The following LIN7A variants were observed in gnomAD, a reference collection of about 807,000 sequenced individuals.
The protein encoded by LIN7A is lin-7 cell polarity scaffold A, also known as protein lin-7 homolog A.
LIN7A carries 25 observed loss-of-function variants against 29.8 expected under a neutral mutation model. The ratio of observed to expected loss-of-function variants is 0.84; its 90% CI spans 0.61 to 1.17. LIN7A has a LOEUF of 1.17. LIN7A is among the 50% of genes most tolerant of loss of function. The pLI is 0.00. For synonymous variants in LIN7A, 118 were observed against 107.5 expected, an observed-to-expected ratio of 1.10 and a Z score of -0.60; for missense variants, 239 against 287.0, an observed-to-expected ratio of 0.83 and a Z score of 1.21.
intron 5 of LIN7A, among the ~76,000 whole-genome samples, chr12:80,804,126 A>C (rs1870857278): frequency 6.6e-6 from 1 of 152,130 alleles, no homozygotes; most frequent in African/African-American, 2.4e-5. Flanking sequence ...TATGGGGTCC[A>C]TGAGATGTTT....
At chr12:80,876,074 C>CAG (rs1484081942) in intron 2 of LIN7A, among the ~76,000 whole-genome samples, 3 of 85,170 alleles carry the variant, frequency 3.5e-5, no homozygotes, top group South Asian at 3.7e-4. Context: ...CACACACACA[C>CAG]ACACACAGAG....
chr12:80,832,098 G>A (rs1452374927), intron 4 of LIN7A, among the ~76,000 whole-genome samples: 2 of 152,160 alleles, frequency 1.3e-5, no homozygotes, highest in African/African-American at 2.4e-5. Flanking sequence ...GAAGAGTGGT[G>A]AGGCTTTGGC....
intron 5 of LIN7A, among the ~76,000 whole-genome samples, chr12:80,803,295 T>C (rs1241254208): frequency 1.3e-5 from 2 of 152,198 alleles, no homozygotes; most frequent in African/African-American, 4.8e-5. Context: ...TCATTTTAAG[T>C]TGGTTTTGTT....
chr12:80,821,244 G>A (rs1033138227), intron 4 of LIN7A, among the ~76,000 whole-genome samples: 17 of 152,108 alleles, frequency 1.1e-4, no homozygotes, highest in African/African-American at 3.4e-4. Flanking sequence ...TTAACAGTGT[G>A]ACCTCTCCCC....
In LIN7A at chr12:80,845,942, GAAA is replaced by G. The variant is rs79919291; in HGVS notation, c.274-6_274-4del. 1.1e-3 allele frequency: 1,487 copies of G among 1,368,622 alleles called. No homozygotes were observed. Among genetic ancestry groups the G allele is most frequent in the South Asian group, 3.3e-3 (233 of 70,212 alleles). The allele number at this position is 1,368,622 out of a possible 1,614,324, so 84.8% of individuals were successfully genotyped here. ...GCTGCAAAAGCTGCAACTGTTGCCT[GAAA>G]AAAAAAAAAAAAGATGGTCTTTTGG... On this transcript the variant is annotated splice_region_variant and splice_polypyrimidine_tract_variant and intron_variant, in intron 3 of 5. Coordinates refer to ENST00000552864, the MANE Select transcript of LIN7A (RefSeq NM_004664.4).
intron 1 of LIN7A, among the ~76,000 whole-genome samples, chr12:80,923,129 A>G (rs1417766490): frequency 1.3e-5 from 2 of 152,218 alleles, no homozygotes; most frequent in Non-Finnish European, 2.9e-5. Context: ...AAAAGGCAGA[A>G]GAAAGGCGAA....
chr12:80,871,368 C>T (rs1874418937), intron 2 of LIN7A, among the ~76,000 whole-genome samples: 1 of 152,038 alleles, frequency 6.6e-6, no homozygotes, highest in East Asian at 1.9e-4. Flanking sequence ...TATTGAATTG[C>T]AGTGTCTGAA....
chr12:80,883,848 G>C (rs1413057266), intron 2 of LIN7A, among the ~76,000 whole-genome samples: 1 of 152,182 alleles, frequency 6.6e-6, no homozygotes, highest in Non-Finnish European at 1.5e-5. Flanking sequence ...TCTCTGATCT[G>C]ACAGAATGTC....
chr12:80,815,740 G>T (rs1871499130), intron 4 of LIN7A, among the ~76,000 whole-genome samples: 1 of 152,100 alleles, frequency 6.6e-6, no homozygotes, highest in Admixed American at 6.6e-5. Context: ...TTTAAAAGCT[G>T]AAATTCTATA....
At position 80,796,423 on chromosome 12, in the gene LIN7A, CCT is replaced by C. The variant is rs1172631323; in HGVS notation, c.*1302_*1303del. The C allele has an allele frequency of 2.0e-5, 3 of 152,054 alleles. No homozygotes were observed. The highest frequency in any genetic ancestry group is 7.2e-5 in the African/African-American group (3 of 41,404). 9.4% of individuals were successfully genotyped at this position (152,054 alleles called of 1,614,324 possible). On this transcript the variant is annotated 3_prime_UTR_variant, in exon 6 of 6. Coordinates refer to ENST00000552864, the MANE Select transcript of LIN7A (RefSeq NM_004664.4). ...ATTTACCATAAACCAAAAATTATGA[CCT>C]GTAAATGTAGTTATAACAGATTATT...
intron 1 of LIN7A, among the ~76,000 whole-genome samples, chr12:80,930,283 T>G (rs1463063715): frequency 1.3e-5 from 2 of 152,182 alleles, no homozygotes; most frequent in East Asian, 3.8e-4. Context: ...CAAGTGGTTT[T>G]CAGGCATATT....
chr12:80,872,469 T>C (rs3782161), intron 2 of LIN7A, among the ~76,000 whole-genome samples: 1,853 of 152,310 alleles, frequency 0.012, 48 homozygotes, highest in Admixed American at 0.064. Flanking sequence ...TCCTCAACCA[T>C]AGTAATTTAT....
At chr12:80,821,844 G>A (rs1458608439) in intron 4 of LIN7A, among the ~76,000 whole-genome samples, 2 of 152,332 alleles carry the variant, frequency 1.3e-5, no homozygotes, top group Admixed American at 1.3e-4. Context: ...AGGCTCAGAA[G>A]TGCCTGCTCC....
At chr12:80,929,113 G>T (rs759725345) in intron 1 of LIN7A, among the ~76,000 whole-genome samples, 9 of 152,012 alleles carry the variant, frequency 5.9e-5, no homozygotes, top group South Asian at 2.1e-4. Flanking sequence ...AAAAGTAATT[G>T]CAGTCTTTGA....
intron 1 of LIN7A, among the ~76,000 whole-genome samples, chr12:80,907,952 C>G (rs889200268): frequency 1.3e-5 from 2 of 152,048 alleles, no homozygotes; most frequent in African/African-American, 4.8e-5. Context: ...GAAGCTACCC[C>G]AATGATAATC....
intron 4 of LIN7A, among the ~76,000 whole-genome samples, chr12:80,837,840 C>CTCATCA (rs112671811): frequency 9.4e-4 from 142 of 150,670 alleles, no homozygotes; most frequent in East Asian, 6.3e-3. Flanking sequence ...CATCATCATC[C>CTCATCA]TCATCATCAT....
intron 4 of LIN7A, among the ~76,000 whole-genome samples, chr12:80,837,338 G>T (rs1441321876): frequency 6.6e-6 from 1 of 151,940 alleles, no homozygotes; most frequent in Non-Finnish European, 1.5e-5. Flanking sequence ...TTAGGTTAAG[G>T]ATCTTGAAAT....
At chr12:80,827,033 A>G (rs2121525537) in intron 4 of LIN7A, among the ~76,000 whole-genome samples, 1 of 152,244 alleles carries the variant, frequency 6.6e-6, no homozygotes, top group South Asian at 2.1e-4. Context: ...TTACTGCTGT[A>G]AGAAGGTTAT....
At chr12:80,810,203 T>C (rs1871218789) in intron 5 of LIN7A, among the ~76,000 whole-genome samples, 1 of 152,184 alleles carries the variant, frequency 6.6e-6, no homozygotes, top group Admixed American at 6.5e-5. Flanking sequence ...TCCCAGCCTC[T>C]GGAAACCACA....
Sources: gnomAD v4.1 joint callset for allele counts (sites outside exome capture counted in the v4.1 genomes callset) on GRCh38, gnomAD v4.1.1 for gene constraint, MANE v1.5 for transcripts, NCBI Gene and HGNC (gene_info 2026-07-23, HGNC 2026-07-21) for gene names.